Variants in PATJ observed in about 807,000 individuals in gnomAD.
PATJ encodes the protein PATJ crumbs cell polarity complex component, also known as inaD-like protein.
Under a neutral mutation model 224.9 loss-of-function variants are expected in PATJ, and 190 were observed. The ratio of observed to expected loss-of-function variants is 0.84; its 90% CI spans 0.75 to 0.95. The LOEUF (loss-of-function observed/expected upper bound fraction) is 0.95, where lower values mean the gene tolerates loss of function less well. PATJ is among the 40% of genes least tolerant of loss of function. The probability of loss-of-function intolerance (pLI) is 0.00; values close to 1 mark genes in which losing one functional copy is unlikely to be tolerated. For missense variants in PATJ, 2,121 were observed against 2,270.3 expected, an observed-to-expected ratio of 0.93 and a Z score of 1.34; for synonymous variants, 769 against 820.3, an observed-to-expected ratio of 0.94 and a Z score of 1.07.
At chr1:61,920,490 G>A (rs866318649) in intron 26 of PATJ, among the ~76,000 whole-genome samples, 12 of 152,172 alleles carry the variant, frequency 7.9e-5, no homozygotes, top group Middle Eastern at 6.8e-3. Context: ...CCTGCCTCAT[G>A]GAAATGTAAG....
intron 43 of PATJ, among the ~76,000 whole-genome samples, chr1:62,160,699 A>G (rs976574): frequency 0.18 from 27,733 of 152,212 alleles, 4,039 homozygotes; most frequent in East Asian, 0.63. Context: ...TAGATTATCC[A>G]TAATTATAGT....
Position 61,890,111 on chromosome 1 carries a change from G to A in PATJ, c.3131+5703G>A, listed in dbSNP as rs115239437. On this transcript the variant is annotated intron_variant, in intron 22 of 43. Transcript: ENST00000642238. ...TATCTTTCTTCTGCTGTTTATACCT[G>A]TATGACCCTGAAAGGGTTTCCTTTG... Among the ~76,000 whole-genome samples, 1,301 of 152,272 alleles carry A rather than the reference G, an allele frequency of 8.5e-3. 19 individuals carry two copies. Among genetic ancestry groups the A allele is most frequent in the African/African-American group, 0.03 (1,253 of 41,550 alleles).
At chr1:61,771,677 G>T in intron 6 of PATJ, 51 bp downstream of exon 6, 1 of 1,289,686 alleles carries the variant, frequency 7.8e-7, no homozygotes, top group Non-Finnish European at 1.1e-6. Context: ...GCCATTGATC[G>T]TAAGAAGTGT....
rs1332484833 is a variant in PATJ, at chr1:61,990,313, A to AG, written c.3818dup (p.Pro1274ThrfsTer13). 1.2e-6 allele frequency: 2 copies of AG among 1,613,796 alleles called. No individual in the cohort carries two copies. The highest frequency in any genetic ancestry group is 2.2e-5 in the South Asian group (2 of 90,894). ...TATTTGTGGTGGGAATTAACCCGGAAGGACCTGCTGCCGCAGATGGACGAA... is the reference window on the plus strand; with the variant it reads ...TATTTGTGGTGGGAATTAACCCGGAAGGGACCTGCTGCCGCAGATGGACGAA... On this transcript the variant is annotated frameshift_variant, in exon 28 of 44. Coordinates refer to ENST00000642238, the MANE Select transcript of PATJ (RefSeq NM_001350145.3). LOFTEE classifies it high-confidence loss of function.
At chr1:61,758,550 G>A (rs1032712487) in intron 1 of PATJ, among the ~76,000 whole-genome samples, 1 of 151,834 alleles carries the variant, frequency 6.6e-6, no homozygotes, top group Non-Finnish European at 1.5e-5. Context: ...GTTTCACCAA[G>A]TTGGCCAGCT....
At chr1:61,991,684 A>G (rs1645073233) in intron 28 of PATJ, 1 of 984,482 alleles carries the variant, frequency 1.0e-6, no homozygotes, top group Non-Finnish European at 1.2e-6. Flanking sequence ...CTTTTATAAT[A>G]TAGCACCACG....
chr1:61,930,287 T>G (rs1356996448), intron 27 of PATJ, among the ~76,000 whole-genome samples: 1 of 152,230 alleles, frequency 6.6e-6, no homozygotes, highest in Non-Finnish European at 1.5e-5. Context: ...ACCTGAAGCC[T>G]CTGGCCTTCC....
chr1:61,821,798 G>A (rs554619477), intron 14 of PATJ, among the ~76,000 whole-genome samples: 115 of 152,254 alleles, frequency 7.6e-4, no homozygotes, highest in African/African-American at 2.5e-3. Context: ...ACCATTTACC[G>A]TATTTGAGAT....
At chr1:61,915,217 G>T (rs1263470399) in intron 26 of PATJ, among the ~76,000 whole-genome samples, 2 of 151,316 alleles carry the variant, frequency 1.3e-5, no homozygotes, top group African/African-American at 4.8e-5. Context: ...AAGAGAACTT[G>T]TTGTTCTCTT....
intron 27 of PATJ, among the ~76,000 whole-genome samples, chr1:61,983,483 C>T (rs1251046030): frequency 1.3e-5 from 2 of 152,038 alleles, no homozygotes; most frequent in Non-Finnish European, 2.9e-5. Flanking sequence ...GAATACAGCT[C>T]TAAAGAGGAA....
chr1:62,112,772 C>A (rs894748371), intron 34 of PATJ, among the ~76,000 whole-genome samples: 7 of 152,202 alleles, frequency 4.6e-5, no homozygotes, highest in African/African-American at 1.7e-4. Flanking sequence ...TTACTCTGCT[C>A]CTCGATTTCT....
At chr1:62,102,170 C>A (rs1166915747) in intron 33 of PATJ, among the ~76,000 whole-genome samples, 2 of 149,708 alleles carry the variant, frequency 1.3e-5, no homozygotes, top group Non-Finnish European at 2.9e-5. Flanking sequence ...CAAAGCGAGA[C>A]CCTGTCTCAA....
intron 42 of PATJ, among the ~76,000 whole-genome samples, chr1:62,149,185 T>TTC (rs1668380968): frequency 6.7e-6 from 1 of 150,296 alleles, no homozygotes; most frequent in African/African-American, 2.5e-5. Flanking sequence ...AGATGCGAAT[T>TTC]CCCAGGCCAC....
chr1:61,946,843 G>T (rs572561715), intron 27 of PATJ, among the ~76,000 whole-genome samples: 7 of 152,282 alleles, frequency 4.6e-5, no homozygotes, highest in African/African-American at 1.7e-4. Flanking sequence ...ACCGAATCCA[G>T]CAGCACATCA....
chr1:62,142,096 T>C (rs7514107), intron 41 of PATJ, among the ~76,000 whole-genome samples: 5,268 of 152,306 alleles, frequency 0.035, 163 homozygotes, highest in South Asian at 0.13. Flanking sequence ...AGCAGGCTGC[T>C]GTCACATCTT....
chr1:62,105,836 T>C (rs114098886), intron 33 of PATJ, among the ~76,000 whole-genome samples: 1,938 of 151,444 alleles, frequency 0.013, 43 homozygotes, highest in African/African-American at 0.044. Context: ...TCCAGATGGG[T>C]TATTTAGTTA....
At chr1:61,803,456 A>T (rs1652946848) in intron 12 of PATJ, among the ~76,000 whole-genome samples, 1 of 152,212 alleles carries the variant, frequency 6.6e-6, no homozygotes, top group Non-Finnish European at 1.5e-5. Flanking sequence ...CGTCATCAAT[A>T]TAACGGTCTT....
At chr1:61,813,334 CATATAT>C (rs747640923) in intron 14 of PATJ, among the ~76,000 whole-genome samples, 2,283 of 62,548 alleles carry the variant, frequency 0.036, 33 homozygotes, top group Non-Finnish European at 0.055. Flanking sequence ...ATGGAATGTA[CATATAT>C]ATATATATAT....
intron 35 of PATJ, chr1:62,114,479 G>C: frequency 2.4e-6 from 1 of 408,934 alleles, no homozygotes; most frequent in South Asian, 4.2e-5. Context: ...TTTCTGTACA[G>C]AGTAAGAACA....
Sources: gnomAD v4.1 joint callset for allele counts (sites outside exome capture counted in the v4.1 genomes callset) on GRCh38, gnomAD v4.1.1 for gene constraint, MANE v1.5 for transcripts, NCBI Gene and HGNC (gene_info 2026-07-23, HGNC 2026-07-21) for gene names.